Variants in VPS13A observed in about 807,000 individuals in gnomAD.
VPS13A encodes the protein intermembrane lipid transfer protein VPS13A.
VPS13A carries 264 observed loss-of-function variants against 390.9 expected under a neutral mutation model. That is an observed-to-expected ratio of 0.68 (90% confidence interval 0.61 to 0.75). The LOEUF (loss-of-function observed/expected upper bound fraction) is 0.75, where lower values mean the gene tolerates loss of function less well. Ranked by LOEUF, VPS13A falls within the 30% of genes least tolerant of loss-of-function variation. The pLI is 0.00. For synonymous variants in VPS13A, 1,231 were observed against 1,227.1 expected, an observed-to-expected ratio of 1.00 and a Z score of -0.07; for missense variants, 3,409 against 3,733.9, an observed-to-expected ratio of 0.91 and a Z score of 2.27.
intron 23 of VPS13A, among the ~76,000 whole-genome samples, chr9:77,265,836 C>T (rs929302477): frequency 3.3e-5 from 5 of 151,654 alleles, no homozygotes; most frequent in African/African-American, 1.2e-4. Flanking sequence ...CTTCTGCTAC[C>T]TTTTGAATTT....
chr9:77,323,087 G>A lies in VPS13A; in HGVS notation c.5851G>A (p.Ala1951Thr). Residue 1951 changes from alanine to threonine, a missense_variant, in exon 45 of 72, where the codon GCT (alanine) becomes ACT (threonine). Ala to Thr is a moderately conservative substitution (Grantham distance 58). Transcript: ENST00000360280. ...TTTAGCACCTGTTAACCATTCTACT[G>A]CTGATAAGATTCCTTTAACAAAAGT... Reference protein sequence around the residue: ...ILLTPVNHSTADKIPLTKVGR... With the variant: ...ILLTPVNHSTTDKIPLTKVGR... 1 of 1,612,506 alleles carries A rather than the reference G, an allele frequency of 6.2e-7. No individual in the cohort carries two copies. The highest frequency in any genetic ancestry group is 1.1e-5 in the South Asian group (1 of 90,982).
At position 77,415,986 on chromosome 9, in the gene VPS13A, G is replaced by T; in HGVS notation, c.9505G>T (p.Glu3169Ter). The change falls in exon 72 of 72, where the codon GAA (glutamate) becomes TAA (stop). Residue 3169 changes from glutamate (E) to a stop codon, truncating the protein, a stop_gained. Transcript: ENST00000360280. LOFTEE classifies it high-confidence loss of function. ...WILTKLQEAREPSPSL is the reference protein window; with the variant it reads ...WILTKLQEAR The stretch of plus-strand genomic sequence containing the variant: ...CCTCACAAAGCTACAAGAAGCAAGA[G>T]AACCTTCTCCGAGCCTCTGACAGAG... 1 of 1,613,482 alleles carries T rather than the reference G, an allele frequency of 6.2e-7. No individual in the cohort carries two copies. Among genetic ancestry groups the T allele is most frequent in the Non-Finnish European group, 8.5e-7 (1 of 1,179,570 alleles).
Position 77,220,594 on chromosome 9 carries a change from C to G in VPS13A, c.989+211C>G, listed in dbSNP as rs374413524. 9.2e-5 allele frequency among the ~76,000 whole-genome samples: 14 copies of G among 152,038 alleles called. No individual in the cohort carries two copies. The East Asian group carries it at 2.7e-3, about 29-fold the overall frequency. The stretch of plus-strand genomic sequence containing the variant: ...ATTCTTGCTAACACAGTTTACAACT[C>G]GAGATGCTCGAATACCATAGTTTTC... On this transcript the variant is annotated intron_variant, in intron 12 of 71. Transcript: ENST00000360280.
intron 59 of VPS13A, among the ~76,000 whole-genome samples, chr9:77,363,187 T>C (rs1832235354): frequency 1.3e-5 from 2 of 152,102 alleles, no homozygotes; most frequent in African/African-American, 4.8e-5. Flanking sequence ...GCCTCTGATC[T>C]TGGAGGGTAA....
rs117485827 is a variant in VPS13A at position 77,370,265 on chromosome 9, C to T, written c.8676C>T (p.Ile2892=). The change falls in exon 64 of 72, where the codon ATC becomes ATT. Residue 2892 remains isoleucine, a synonymous_variant. Coordinates refer to ENST00000360280, the MANE Select transcript of VPS13A (RefSeq NM_033305.3). ...AFFYEPYQGA[I]QGPEEFVEGM... is the part of the protein sequence containing the mutation. Reference sequence around the variant, plus strand: ...ACTATTTGGCCCTTTAGGGAGCCATCCAGGGTCCTGAAGAGTTTGTGGAAG... The same window carrying T: ...ACTATTTGGCCCTTTAGGGAGCCATTCAGGGTCCTGAAGAGTTTGTGGAAG... 1.0e-2 allele frequency: 16,085 copies of T among 1,614,136 alleles called. 114 individuals are homozygous for T. The highest frequency in any genetic ancestry group is 0.012 in the Non-Finnish European group (14,426 of 1,180,008).
intron 7 of VPS13A, among the ~76,000 whole-genome samples, chr9:77,212,155 A>G (rs531325100): frequency 1.3e-5 from 2 of 152,322 alleles, no homozygotes; most frequent in South Asian, 4.1e-4. Context: ...TCTGAAATAA[A>G]GATCTGATCA....
intron 1 of VPS13A, among the ~76,000 whole-genome samples, chr9:77,182,986 T>C (rs1380329345): frequency 6.6e-6 from 1 of 152,202 alleles, no homozygotes; most frequent in Non-Finnish European, 1.5e-5. Context: ...CATTCTTCTG[T>C]GCCCAGAATA....
At chr9:77,321,767 C>G (rs1203167941) in intron 44 of VPS13A, 21 bp downstream of exon 44, 2 of 1,611,868 alleles carry the variant, frequency 1.2e-6, no homozygotes, top group African/African-American at 2.7e-5. Flanking sequence ...GAAAAATTAC[C>G]TTCCTGGGGC....
chr9:77,304,116 C>T (rs892597057), intron 34 of VPS13A, among the ~76,000 whole-genome samples: 2 of 152,152 alleles, frequency 1.3e-5, no homozygotes, highest in Non-Finnish European at 2.9e-5. Context: ...GCAGAGGTCC[C>T]TGCGGCTTTC....
chr9:77,341,055 A>G (rs1025786249), intron 50 of VPS13A, among the ~76,000 whole-genome samples: 6 of 152,210 alleles, frequency 3.9e-5, no homozygotes, highest in African/African-American at 1.2e-4. Flanking sequence ...CTTTTATTCT[A>G]AAAGTTAGGA....
chr9:77,407,424 T>G, intron 70 of VPS13A, 109 bp from the exon 71 acceptor site: 2 of 837,106 alleles, frequency 2.4e-6, no homozygotes, highest in Non-Finnish European at 3.9e-6. Context: ...GTGCATGATT[T>G]GTATAAGAGG....
At chr9:77,300,302 A>G (rs1042364271) in intron 33 of VPS13A, among the ~76,000 whole-genome samples, 4 of 152,216 alleles carry the variant, frequency 2.6e-5, no homozygotes, top group Admixed American at 6.5e-5. Flanking sequence ...TATCTTTATT[A>G]CATCAGTACT....
chr9:77,178,006 G>A (rs1439704431), intron 1 of VPS13A: 21 of 559,556 alleles, frequency 3.8e-5, no homozygotes, highest in Non-Finnish European at 6.7e-5. Context: ...ATATTTTGGG[G>A]GAAAGGAGAG....
rs767739134 is a variant in VPS13A, at chr9:77,317,692, A to G, written c.4950A>G (p.Thr1650=). 4.1e-5 allele frequency: 65 copies of G among 1,588,304 alleles called. No homozygotes were observed. In the East Asian group the frequency reaches 7.7e-4, roughly 19 times the overall value. Residue 1650 remains threonine, a synonymous_variant, in exon 40 of 72, where the codon ACA becomes ACG. Transcript: ENST00000360280. ...TCGATATGTCAGTAAAATCCCTGAC[A>G]CTAAAGGTAAATTAAAATATAATCA... The part of the protein sequence containing the change: ...QVIDMSVKSL[T]LKVSPVIINT...
chr9:77,205,270 A>G, intron 3 of VPS13A, 43 bp from the exon 4 acceptor site: 1 of 1,085,806 alleles, frequency 9.2e-7, no homozygotes, highest in Non-Finnish European at 1.3e-6. Flanking sequence ...AGGTTGAAGG[A>G]GTAATATTTT....
At chr9:77,325,405 T>G (rs558751860) in intron 45 of VPS13A, among the ~76,000 whole-genome samples, 12 of 151,540 alleles carry the variant, frequency 7.9e-5, no homozygotes, top group Admixed American at 3.9e-4. Flanking sequence ...GACCTTGTTT[T>G]TTTTTTTTTT....
chr9:77,377,203 G>GTTTTTTTTTTTTTTTTTT (rs61562443), intron 67 of VPS13A, among the ~76,000 whole-genome samples: 1 of 69,066 alleles, frequency 1.4e-5, no homozygotes, highest in Non-Finnish European at 2.7e-5. Flanking sequence ...TTTTGATGCT[G>GTTTTTTTTTTTTTTTTTT]TTTTTTTTTT....
At position 77,248,666 on chromosome 9, in the gene VPS13A, C is replaced by A. The variant is rs146056954; in HGVS notation, c.2037+1271C>A. ...AAATTAATTAGAATTAAAATTAATT[C>A]AGTTTCTTAGTCATATTAGCCACAT... is the stretch of plus-strand genomic sequence containing the variant. On this transcript the variant is annotated intron_variant, in intron 20 of 71. Transcript: ENST00000360280. Among the ~76,000 whole-genome samples, 667 of 152,078 alleles carry A rather than the reference C, an allele frequency of 4.4e-3. 3 individuals are homozygous for A. The highest frequency in any genetic ancestry group is 0.015 in the African/African-American group (630 of 41,482).
At chr9:77,288,642 C>G (rs1564697957) in intron 31 of VPS13A, among the ~76,000 whole-genome samples, 3 of 151,988 alleles carry the variant, frequency 2.0e-5, no homozygotes, top group East Asian at 1.9e-4. Context: ...CGTTTCAGTT[C>G]GTTTAAATTT....
Sources: gnomAD v4.1 joint callset for allele counts (sites outside exome capture counted in the v4.1 genomes callset) on GRCh38, gnomAD v4.1.1 for gene constraint, MANE v1.5 for transcripts, NCBI Gene and HGNC (gene_info 2026-07-23, HGNC 2026-07-21) for gene names.